ANKS1B: variants seen among roughly 807,000 people sequenced by gnomAD.
The protein encoded by ANKS1B is ankyrin repeat and sterile alpha motif domain-containing protein 1B.
ANKS1B carries 36 observed loss-of-function variants against 148.3 expected under a neutral mutation model. The observed-to-expected ratio is 0.24, with a 90% CI of 0.19 to 0.32. The LOEUF (loss-of-function observed/expected upper bound fraction) is 0.32. Among genes scored for constraint, ANKS1B ranks in the 10% least tolerant of loss-of-function variants. ANKS1B has a pLI of 1.00. For missense variants in ANKS1B, 1,157 were observed against 1,542.6 expected (o/e 0.75, Z 4.19); for synonymous variants, 542 against 560.8 (o/e 0.97, Z 0.47).
chr12:99,460,044 G>A (rs2095925106), intron 10 of ANKS1B, among the ~76,000 whole-genome samples: 1 of 152,058 alleles, frequency 6.6e-6, no homozygotes, highest in South Asian at 2.1e-4. Context: ...GCATGGTACT[G>A]GTATAATAAC....
intron 1 of ANKS1B, among the ~76,000 whole-genome samples, chr12:99,946,296 T>G (rs2095059938): frequency 6.6e-6 from 1 of 152,172 alleles, no homozygotes; most frequent in Non-Finnish European, 1.5e-5. Context: ...TATGTAAGCC[T>G]TGCACAAAAT....
chr12:99,872,442 TAAG>T (rs1565900919), intron 1 of ANKS1B, among the ~76,000 whole-genome samples: 2 of 151,922 alleles, frequency 1.3e-5, no homozygotes, highest in African/African-American at 2.4e-5. Flanking sequence ...AGGGGAAAAA[TAAG>T]GAGAGAAAAT....
At chr12:98,791,309 C>T (rs1414382637) in intron 22 of ANKS1B, among the ~76,000 whole-genome samples, 2 of 149,650 alleles carry the variant, frequency 1.3e-5, no homozygotes, top group African/African-American at 4.9e-5. Context: ...TGGGCCACTG[C>T]ACTCCAGCCT....
At chr12:99,640,000 C>T (rs956142907) in intron 9 of ANKS1B, among the ~76,000 whole-genome samples, 6 of 152,050 alleles carry the variant, frequency 3.9e-5, no homozygotes, top group Non-Finnish European at 7.4e-5. Flanking sequence ...AGTGAAACCC[C>T]ATCTCTACTG....
At chr12:99,461,799 C>A (rs1490031402) in intron 10 of ANKS1B, among the ~76,000 whole-genome samples, 3 of 152,158 alleles carry the variant, frequency 2.0e-5, no homozygotes, top group African/African-American at 7.2e-5. Flanking sequence ...TAATTCTATT[C>A]AGATTACCAT....
intron 9 of ANKS1B, among the ~76,000 whole-genome samples, chr12:99,561,223 G>A (rs773467006): frequency 1.3e-5 from 2 of 151,852 alleles, no homozygotes; most frequent in Admixed American, 1.3e-4. Flanking sequence ...TTCTTCTATA[G>A]CATGTGATGC....
chr12:99,520,780 G>A (rs566192267), intron 9 of ANKS1B, among the ~76,000 whole-genome samples: 2 of 151,976 alleles, frequency 1.3e-5, no homozygotes, highest in South Asian at 4.2e-4. Flanking sequence ...TCCTCTGACT[G>A]TGTTTTTTGT....
chr12:98,918,332 T>C (rs912768859), intron 17 of ANKS1B, among the ~76,000 whole-genome samples: 3 of 152,156 alleles, frequency 2.0e-5, no homozygotes, highest in African/African-American at 7.2e-5. Context: ...TACAGTAGAA[T>C]GGGGCTGGGT....
At chr12:99,387,020 G>A (rs538261366) in intron 12 of ANKS1B, among the ~76,000 whole-genome samples, 2 of 152,294 alleles carry the variant, frequency 1.3e-5, no homozygotes, top group South Asian at 4.1e-4. Context: ...GGACACTGTG[G>A]ATACACTTTA....
chr12:99,520,847 A>C (rs535470065), intron 9 of ANKS1B, among the ~76,000 whole-genome samples: 1 of 152,178 alleles, frequency 6.6e-6, no homozygotes, highest in African/African-American at 2.4e-5. Context: ...CCCAGGCTGA[A>C]GTGCAATGGC....
chr12:98,894,997 G>GGCGGCGGCC lies in ANKS1B; in HGVS notation c.2779-62862_2779-62861insGGCCGCCGC, dbSNP rs1158999186. ...GCGCGCCTGCCCTGGCGGCAGCGGCGGCGGCGGCGGCGCGTCCTCCCCCGA... is the reference window on the plus strand; with the variant it reads ...GCGCGCCTGCCCTGGCGGCAGCGGCGGCGGCGGCCGCGGCGGCGGCGCGTCCTCCCCCGA... On this transcript the variant is annotated intron_variant, in intron 17 of 26. Coordinates refer to ENST00000683438, the MANE Select transcript of ANKS1B (RefSeq NM_001352186.2). 2,836 of 800,776 alleles carry GGCGGCGGCC rather than the reference G, an allele frequency of 3.5e-3. 10 individuals carry two copies. The highest frequency in any genetic ancestry group is 4.0e-3 in the Non-Finnish European group (2,685 of 663,466). The allele number at this position is 800,776 out of a possible 1,614,324, so 49.6% of individuals were successfully genotyped here.
At chr12:99,357,106 T>C (rs1006852091) in intron 12 of ANKS1B, among the ~76,000 whole-genome samples, 2 of 152,060 alleles carry the variant, frequency 1.3e-5, no homozygotes, top group Non-Finnish European at 2.9e-5. Context: ...TATATAAATA[T>C]GTATAATACA....
intron 1 of ANKS1B, among the ~76,000 whole-genome samples, chr12:99,830,815 C>A (rs769208019): frequency 2.0e-5 from 3 of 152,096 alleles, no homozygotes; most frequent in Non-Finnish European, 4.4e-5. Context: ...TTCTCACACA[C>A]CCTGTTCAAA....
At chr12:99,791,906 G>C (rs2065701493) in intron 4 of ANKS1B, among the ~76,000 whole-genome samples, 1 of 139,906 alleles carries the variant, frequency 7.1e-6, no homozygotes, top group African/African-American at 2.6e-5. Context: ...ATAAGGATCA[G>C]AGCAGACATA....
At chr12:99,429,267 T>A (rs927832419) in intron 11 of ANKS1B, among the ~76,000 whole-genome samples, 1 of 152,058 alleles carries the variant, frequency 6.6e-6, no homozygotes, top group Admixed American at 6.6e-5. Context: ...TTATCACAAA[T>A]CAAAATCATG....
In ANKS1B at chr12:99,852,216, T is replaced by TA. The variant is rs2087998557; in HGVS notation, c.135-26828dup. ...GTTTTCTCATAAGATTTTAGCTGAA[T>TA]AAAGGGTACATGCTTCCAAGTGACC... On this transcript the variant is annotated intron_variant, in intron 1 of 26. Transcript: ENST00000683438. Among the ~76,000 whole-genome samples the TA allele has an allele frequency of 2.0e-5, 3 of 152,326 alleles. No homozygotes were observed. The South Asian group carries it at 6.2e-4, about 32-fold the overall frequency.
rs1310716399 is a variant in ANKS1B, at chr12:99,400,645, G to T, written c.1576-834C>A. 2.1e-5 allele frequency among the ~76,000 whole-genome samples: 3 copies of T among 144,004 alleles called. 1 individual carries two copies. Among genetic ancestry groups the T allele is most frequent in the Non-Finnish European group, 4.6e-5 (3 of 65,392 alleles). The allele number at this position is 144,004 out of a possible 152,430, so 94.5% of individuals were successfully genotyped here. On this transcript the variant is annotated intron_variant, in intron 11 of 26. Transcript: ENST00000683438. The stretch of plus-strand genomic sequence containing the variant: ...AGTTTTTTGGCTCTCAAATGTGTGT[G>T]TTTTTCCCAGGATTCAACTCTACCT...
intron 8 of ANKS1B, among the ~76,000 whole-genome samples, chr12:99,758,152 T>C (rs1005748783): frequency 3.9e-5 from 6 of 151,916 alleles, no homozygotes; most frequent in African/African-American, 1.2e-4. Context: ...ACAAACTCCA[T>C]TTCAGAAAGT....
intron 9 of ANKS1B, among the ~76,000 whole-genome samples, chr12:99,597,315 A>G (rs1194152559): frequency 1.3e-5 from 2 of 151,850 alleles, no homozygotes; most frequent in African/African-American, 4.8e-5. Context: ...ATGTACACAC[A>G]CTGTTATACC....
Sources: gnomAD v4.1 joint callset for allele counts (sites outside exome capture counted in the v4.1 genomes callset) on GRCh38, gnomAD v4.1.1 for gene constraint, MANE v1.5 for transcripts, NCBI Gene and HGNC (gene_info 2026-07-23, HGNC 2026-07-21) for gene names.